Variants in C10orf67 observed in about 807,000 individuals in gnomAD.
The protein encoded by C10orf67 is chromosome 10 open reading frame 67.
Under a neutral mutation model 35.6 loss-of-function variants are expected in C10orf67, and 60 were observed. The observed-to-expected ratio is 1.68, with a 90% CI of 1.37 to 2.09. The LOEUF (loss-of-function observed/expected upper bound fraction) is 2.09, where lower values mean the gene tolerates loss of function less well. Among genes scored for constraint, C10orf67 ranks in the 30% most tolerant of loss-of-function variants. C10orf67 has a pLI of 0.00. For synonymous variants in C10orf67, 167 were observed against 115.8 expected (o/e 1.44, Z -2.84); for missense variants, 474 against 330.2 (o/e 1.44, Z -3.38).
chr10:23,281,099 C>A (rs1406899104), intron 8 of C10orf67, among the ~76,000 whole-genome samples: 1 of 152,052 alleles, frequency 6.6e-6, no homozygotes, highest in African/African-American at 2.4e-5. Context: ...ATGGTTTTTG[C>A]GAATCGCCAA....
intron 10 of C10orf67, among the ~76,000 whole-genome samples, chr10:23,250,921 G>A (rs986785700): frequency 3.3e-5 from 5 of 151,988 alleles, no homozygotes; most frequent in Non-Finnish European, 5.9e-5. Flanking sequence ...AATATAGTGG[G>A]ACCTTGTCTC....
intron 2 of C10orf67, among the ~76,000 whole-genome samples, chr10:23,325,345 A>G (rs1845144126): frequency 6.6e-6 from 1 of 152,006 alleles, no homozygotes; most frequent in South Asian, 2.1e-4. Context: ...CTCATAAACA[A>G]AAAAGCAAAA....
intron 13 of C10orf67, among the ~76,000 whole-genome samples, chr10:23,234,687 A>G (rs568811186): frequency 6.6e-6 from 1 of 151,950 alleles, no homozygotes; most frequent in East Asian, 1.9e-4. Context: ...ATATAAGTTA[A>G]ATAATGAGTT....
At chr10:23,229,667 T>C (rs866253368) in intron 13 of C10orf67, among the ~76,000 whole-genome samples, 17 of 152,120 alleles carry the variant, frequency 1.1e-4, no homozygotes, top group Admixed American at 7.9e-4. Context: ...ATGCATCTAA[T>C]AATACAGACT....
intron 15 of C10orf67, among the ~76,000 whole-genome samples, chr10:23,217,817 T>A (rs1236537173): frequency 6.6e-6 from 1 of 152,336 alleles, no homozygotes; most frequent in African/African-American, 2.4e-5. Context: ...AGACAGTCCA[T>A]CAAATTAATA....
In C10orf67 at chr10:23,305,831, T is replaced by C. The variant is rs141934246; in HGVS notation, c.547-2372A>G. Among the ~76,000 whole-genome samples, 190 of 152,306 alleles carry C rather than the reference T, an allele frequency of 1.2e-3. 3 individuals carry two copies. The East Asian group carries it at 0.025, about 20-fold the overall frequency. ...TCCAGCTATCCTACTTCTGGGTATA[T>C]ATTCAAAGGAAATAAAATCATGATC... is the stretch of plus-strand genomic sequence containing the variant. On this transcript the variant is annotated intron_variant, in intron 4 of 15. Transcript: ENST00000636213.
At chr10:23,221,677 C>A (rs185449127) in intron 15 of C10orf67, among the ~76,000 whole-genome samples, 2 of 152,106 alleles carry the variant, frequency 1.3e-5, no homozygotes, top group Non-Finnish European at 2.9e-5. Flanking sequence ...AGCCTGAATG[C>A]GTGAAATGCA....
intron 4 of C10orf67, among the ~76,000 whole-genome samples, chr10:23,320,381 T>G (rs183654215): frequency 3.9e-4 from 59 of 152,284 alleles, no homozygotes; most frequent in Non-Finnish European, 7.5e-4. Flanking sequence ...ATTAGAAAAG[T>G]TAATCCACCA....
At chr10:23,290,499 C>G (rs1054468914) in intron 6 of C10orf67, among the ~76,000 whole-genome samples, 6 of 152,142 alleles carry the variant, frequency 3.9e-5, no homozygotes, top group African/African-American at 1.2e-4. Flanking sequence ...TCACTCGGAT[C>G]ACAGTTAAAT....
At chr10:23,343,873 G>T (rs760433776) in intron 1 of C10orf67, 16 of 462,426 alleles carry the variant, frequency 3.5e-5, no homozygotes, top group Non-Finnish European at 7.2e-5. Flanking sequence ...GCTCCGGGGC[G>T]GGCCGGCGGG....
chr10:23,307,302 A>G (rs1422156378), intron 4 of C10orf67, among the ~76,000 whole-genome samples: 1 of 152,208 alleles, frequency 6.6e-6, no homozygotes, highest in Non-Finnish European at 1.5e-5. Context: ...TTTGTTACTA[A>G]TATATTTGGG....
At chr10:23,335,563 T>C (rs1845648348) in intron 1 of C10orf67, among the ~76,000 whole-genome samples, 3 of 152,222 alleles carry the variant, frequency 2.0e-5, no homozygotes, top group Non-Finnish European at 2.9e-5. Flanking sequence ...GTTTCTACTG[T>C]CACTCTGATG....
At chr10:23,233,575 G>A (rs538495232) in intron 13 of C10orf67, among the ~76,000 whole-genome samples, 23 of 152,332 alleles carry the variant, frequency 1.5e-4, no homozygotes, top group African/African-American at 4.6e-4. Flanking sequence ...CAAGTAGTTG[G>A]AGAGTTGAAA....
intron 4 of C10orf67, among the ~76,000 whole-genome samples, chr10:23,305,387 C>T (rs376692754): frequency 1.6e-4 from 25 of 152,236 alleles, no homozygotes; most frequent in African/African-American, 5.3e-4. Context: ...TCTATAATCC[C>T]AGCTACTTGG....
At chr10:23,278,253 A>G (rs1843254958) in intron 8 of C10orf67, among the ~76,000 whole-genome samples, 1 of 152,194 alleles carries the variant, frequency 6.6e-6, no homozygotes, top group Non-Finnish European at 1.5e-5. Context: ...AGCGATCCTG[A>G]GACCAAAAAG....
chr10:23,233,677 C>G (rs139900319), intron 13 of C10orf67, among the ~76,000 whole-genome samples: 355 of 152,132 alleles, frequency 2.3e-3, no homozygotes, highest in Non-Finnish European at 4.1e-3. Context: ...TTAACAAAGA[C>G]TAGAAGGAAG....
intron 12 of C10orf67, among the ~76,000 whole-genome samples, chr10:23,243,145 A>G (rs1842225703): frequency 6.6e-6 from 1 of 152,240 alleles, no homozygotes; most frequent in African/African-American, 2.4e-5. Flanking sequence ...ATAACTTCAC[A>G]AGATGAGATC....
intron 7 of C10orf67, among the ~76,000 whole-genome samples, chr10:23,289,453 T>C (rs1843647472): frequency 6.6e-6 from 1 of 152,212 alleles, no homozygotes. Context: ...TGTGAACCAC[T>C]GCGCCCCACC....
chr10:23,218,987 G>T (rs1427035848), intron 15 of C10orf67, among the ~76,000 whole-genome samples: 1 of 152,062 alleles, frequency 6.6e-6, no homozygotes, highest in Admixed American at 6.6e-5. Flanking sequence ...TTTAAAACTT[G>T]TTTTTCTATT....
Sources: gnomAD v4.1 joint callset for allele counts (sites outside exome capture counted in the v4.1 genomes callset) on GRCh38, gnomAD v4.1.1 for gene constraint, MANE v1.5 for transcripts, NCBI Gene and HGNC (gene_info 2026-07-23, HGNC 2026-07-21) for gene names.